KBTBD3: variants seen among roughly 807,000 people sequenced by gnomAD.
KBTBD3 encodes kelch repeat and BTB domain-containing protein 3.
In KBTBD3, 38 loss-of-function variants were observed where a neutral mutation model predicts 49.6. The observed-to-expected ratio is 0.77, with a 90% confidence interval of 0.59 to 1.00. The LOEUF (loss-of-function observed/expected upper bound fraction) is 1.00, where lower values mean the gene tolerates loss of function less well. Ranked by LOEUF, KBTBD3 falls within the 50% of genes least tolerant of loss-of-function variation. KBTBD3 has a pLI of 0.00. For missense variants in KBTBD3, 661 were observed against 712.0 expected (o/e 0.93, Z 0.81); for synonymous variants, 214 against 250.4 (o/e 0.85, Z 1.37).
Position 106,053,283 on chromosome 11 carries a change from A to G in KBTBD3, c.1406T>C (p.Phe469Ser). 1 of 1,613,696 alleles carries G rather than the reference A, an allele frequency of 6.2e-7. No homozygotes were observed. Among genetic ancestry groups the G allele is most frequent in the South Asian group, 1.1e-5 (1 of 91,076 alleles). ...LGSEVEITDA[F>S]NPSLDCFFKY... ...AAAAAAGCAATCAAGTGATGGGTTA[A>G]AAGCATCTGTAATCTCTACCTCTGA... The change falls in exon 4 of 4, where the codon TTT (phenylalanine) becomes TCT (serine). Residue 469 changes from phenylalanine (F) to serine (S), a missense_variant. Phe to Ser is a radical substitution (Grantham distance 155). Transcript: ENST00000531837.
intron 2 of KBTBD3, among the ~76,000 whole-genome samples, chr11:106,068,268 C>T (rs1476919620): frequency 1.3e-5 from 2 of 152,130 alleles, no homozygotes; most frequent in Non-Finnish European, 1.5e-5. Flanking sequence ...TTATAGAAAA[C>T]TCCACCTAAC....
chr11:106,072,458 T>C (rs912911432), intron 2 of KBTBD3, among the ~76,000 whole-genome samples: 17 of 152,138 alleles, frequency 1.1e-4, no homozygotes, highest in Non-Finnish European at 1.8e-4. Flanking sequence ...TAGTAGTATA[T>C]AAAATAGTGT....
intron 2 of KBTBD3, among the ~76,000 whole-genome samples, chr11:106,063,846 G>A (rs1027093265): frequency 1.3e-5 from 2 of 152,030 alleles, no homozygotes; most frequent in South Asian, 2.1e-4. Context: ...CAGGAGAATC[G>A]CTTGAACCCG....
intron 3 of KBTBD3, among the ~76,000 whole-genome samples, chr11:106,055,364 T>C (rs962375631): frequency 1.3e-5 from 2 of 152,164 alleles, no homozygotes; most frequent in Non-Finnish European, 2.9e-5. Flanking sequence ...CTGAGCAGTG[T>C]TCCTAGTTGC....
chr11:106,056,077 TA>T (rs1860547385), intron 3 of KBTBD3, among the ~76,000 whole-genome samples: 1 of 152,158 alleles, frequency 6.6e-6, no homozygotes, highest in African/African-American at 2.4e-5. Flanking sequence ...AAAAACACTG[TA>T]AGAGGGATAT....
At position 106,053,890 on chromosome 11, in the gene KBTBD3, A is replaced by C. The variant is rs1860492062; in HGVS notation, c.799T>G (p.Cys267Gly). The C allele has an allele frequency of 6.2e-7, 1 of 1,613,894 alleles. No homozygotes were observed. The highest frequency in any genetic ancestry group is 1.1e-5 in the South Asian group (1 of 91,090). ...ATTGCATCCATGATTATGTCAAAAC[A>C]GTTTGTGCTTTTGAGTAAACTCTCT... is the stretch of plus-strand genomic sequence containing the variant. The part of the protein sequence containing the change: ...NEESLLKSTN[C>G]FDIIMDAIKC... The change falls in exon 4 of 4, where the codon TGT (cysteine) becomes GGT (glycine). Residue 267 changes from cysteine (C) to glycine (G), a missense_variant. Transcript: ENST00000531837.
chr11:106,059,407 C>A (rs1306734314), intron 2 of KBTBD3, among the ~76,000 whole-genome samples: 1 of 152,124 alleles, frequency 6.6e-6, no homozygotes, highest in Admixed American at 6.5e-5. Flanking sequence ...TATAGGATTT[C>A]ACTACATGAT....
intron 2 of KBTBD3, among the ~76,000 whole-genome samples, chr11:106,064,321 G>C (rs1860761892): frequency 6.6e-6 from 1 of 152,018 alleles, no homozygotes; most frequent in Non-Finnish European, 1.5e-5. Flanking sequence ...CGAGGCGGGT[G>C]GATCACCTCA....
In KBTBD3 at chr11:106,053,605, T is replaced by C. The variant is rs1159462631; in HGVS notation, c.1084A>G (p.Ile362Val). 2 of 1,613,896 alleles carry C rather than the reference T, an allele frequency of 1.2e-6. No homozygotes were observed. Among genetic ancestry groups the C allele is most frequent in the Non-Finnish European group, 1.7e-6 (2 of 1,179,910 alleles). Residue 362 changes from isoleucine (I) to valine (V), a missense_variant, in exon 4 of 4, where the codon ATT becomes GTT. Coordinates refer to ENST00000531837, the MANE Select transcript of KBTBD3 (RefSeq NM_198439.3). ...GTGGCATCATGATATGACTCGGCAA[T>C]ATGCAGTCGAACCGTTCGACAACAT... ...GKCCRTVRLH[I>V]AESYHDATDQ...
At position 106,053,744 on chromosome 11, in the gene KBTBD3, G is replaced by A. The variant is rs768630227; in HGVS notation, c.945C>T (p.Asn315=). The A allele has an allele frequency of 7.4e-6, 12 of 1,613,636 alleles. No homozygotes were observed. The highest frequency in any genetic ancestry group is 3.3e-5 in the South Asian group (3 of 91,072). ...GTATTTTCCATGAATCAGATTTAAT[G>A]TTATAGCAAAATGTATATTGATTTT... ...NGENQYTFCY[N]IKSDSWKILP... is the part of the protein sequence containing the mutation. Residue 315 remains asparagine (N), a synonymous_variant, in exon 4 of 4, where the codon AAC becomes AAT. Transcript: ENST00000531837.
rs1860416420 is a variant in KBTBD3 at position 106,051,418 on chromosome 11, G to A, written c.*1432C>T. The A allele has an allele frequency of 6.6e-6, 1 of 151,798 alleles. No individual in the cohort carries two copies. Among genetic ancestry groups the A allele is most frequent in the South Asian group, 2.1e-4 (1 of 4,812 alleles). 9.4% of individuals were successfully genotyped at this position (151,798 alleles called of 1,614,324 possible). A position where few individuals can be genotyped will look rare whatever the true frequency, so the allele number is the denominator to read the frequency against. On this transcript the variant is annotated 3_prime_UTR_variant, in exon 4 of 4. Transcript: ENST00000531837. ...CATTCTGTTTTGAAAAATACATTTG[G>A]AACTTATCGTTGCATAAATTTATAT...
At chr11:106,057,957 A>T (rs888531231) in intron 3 of KBTBD3, 1 of 398,098 alleles carries the variant, frequency 2.5e-6, no homozygotes, top group Non-Finnish European at 4.4e-6. Context: ...GATCCCCCAA[A>T]CAAAGCTGAC....
intron 2 of KBTBD3, among the ~76,000 whole-genome samples, chr11:106,068,514 T>G (rs1398837580): frequency 6.6e-6 from 1 of 152,168 alleles, no homozygotes; most frequent in Non-Finnish European, 1.5e-5. Context: ...AGGAAAATTT[T>G]TAGCATTAAG....
rs775773847 is a variant in KBTBD3, at chr11:106,053,592, T to C, written c.1097A>G (p.Tyr366Cys). 17 of 1,613,808 alleles carry C rather than the reference T, an allele frequency of 1.1e-5. No individual in the cohort carries two copies. The East Asian group carries it at 1.8e-4, about 17-fold the overall frequency. Reference protein sequence around the residue: ...RTVRLHIAESYHDATDQTWCY... With the variant: ...RTVRLHIAESCHDATDQTWCY... ...CCAGGTTTGATCAGTGGCATCATGA[T>C]ATGACTCGGCAATATGCAGTCGAAC... Residue 366 changes from tyrosine to cysteine, a missense_variant, in exon 4 of 4, where the codon TAT becomes TGT. Tyr to Cys is a radical substitution (Grantham distance 194). Coordinates refer to ENST00000531837, the MANE Select transcript of KBTBD3 (RefSeq NM_198439.3).
chr11:106,053,154 T>A lies in KBTBD3; in HGVS notation c.1535A>T (p.Tyr512Phe). Residue 512 changes from tyrosine to phenylalanine, a missense_variant, in exon 4 of 4, where the codon TAT becomes TTT. Tyr to Phe is a conservative substitution (Grantham distance 22). Coordinates refer to ENST00000531837, the MANE Select transcript of KBTBD3 (RefSeq NM_198439.3). ...CTTATAGGTGGAAAGGTCACATATATACAGTGTACAGTTTACTGGTACAGC... is the reference window on the plus strand; with the variant it reads ...CTTATAGGTGGAAAGGTCACATATAAACAGTGTACAGTTTACTGGTACAGC... ...IKAVPVNCTL[Y>F]ICDLSTYKVY... The A allele has an allele frequency of 6.2e-7, 1 of 1,613,516 alleles. No homozygotes were observed. Among genetic ancestry groups the A allele is most frequent in the Non-Finnish European group, 8.5e-7 (1 of 1,179,668 alleles).
intron 2 of KBTBD3, among the ~76,000 whole-genome samples, chr11:106,068,929 T>C (rs1485770894): frequency 6.6e-6 from 1 of 152,146 alleles, no homozygotes; most frequent in Non-Finnish European, 1.5e-5. Context: ...TTTATCCTAT[T>C]AGGCAGCTAA....
intron 2 of KBTBD3, among the ~76,000 whole-genome samples, chr11:106,067,568 GC>G (rs1860833249): frequency 6.6e-6 from 1 of 150,790 alleles, no homozygotes; most frequent in South Asian, 2.1e-4. Context: ...CCGAGATCGT[GC>G]CACTGCACTA....
In KBTBD3 at chr11:106,053,783, A is replaced by C. The variant is rs1275072949; in HGVS notation, c.906T>G (p.Thr302=). ...TATATTGATTTTCTCCATTTTCCTC[A>C]GTTTTGTGAATGAATATGTATTTCT... ...TTEKYIFIHK[T]EENGENQYTF... Residue 302 remains threonine, a synonymous_variant, in exon 4 of 4, where the codon ACT becomes ACG. Coordinates refer to ENST00000531837, the MANE Select transcript of KBTBD3 (RefSeq NM_198439.3). The C allele has an allele frequency of 1.9e-6, 3 of 1,613,756 alleles. No individual in the cohort carries two copies. The highest frequency in any genetic ancestry group is 2.5e-6 in the Non-Finnish European group (3 of 1,179,908).
chr11:106,058,180 T>C (rs1050409123), intron 3 of KBTBD3: 4 of 327,208 alleles, frequency 1.2e-5, no homozygotes, highest in South Asian at 1.5e-4. Flanking sequence ...GTCAGGAGAT[T>C]GAGACCATCC....
Sources: gnomAD v4.1 joint callset for allele counts (sites outside exome capture counted in the v4.1 genomes callset) on GRCh38, gnomAD v4.1.1 for gene constraint, MANE v1.5 for transcripts, NCBI Gene and HGNC (gene_info 2026-07-23, HGNC 2026-07-21) for gene names.